The following STIM1 variants were observed in gnomAD, a reference collection of about 807,000 sequenced individuals.
STIM1 encodes the protein stromal interaction molecule 1.
In STIM1, 25 loss-of-function variants were observed where a neutral mutation model predicts 74.7. That is an observed-to-expected ratio of 0.33 (90% CI 0.24 to 0.47). The LOEUF (loss-of-function observed/expected upper bound fraction) is 0.47. STIM1 is among the 20% of genes least tolerant of loss of function. The probability of loss-of-function intolerance (pLI) is 1.00; values close to 1 mark genes in which losing one functional copy is unlikely to be tolerated. For missense variants in STIM1, 728 were observed against 920.8 expected, an observed-to-expected ratio of 0.79 and a Z score of 2.71; for synonymous variants, 328 against 348.8, an observed-to-expected ratio of 0.94 and a Z score of 0.66.
chr11:3,902,846 G>T (rs937665863), intron 1 of STIM1, among the ~76,000 whole-genome samples: 1 of 152,156 alleles, frequency 6.6e-6, no homozygotes, highest in African/African-American at 2.4e-5. Flanking sequence ...TGGGCAGATT[G>T]CAATTGGTGT....
At chr11:4,030,822 T>G (rs16929488) in intron 3 of STIM1, among the ~76,000 whole-genome samples, 5,727 of 152,202 alleles carry the variant, frequency 0.038, 255 homozygotes, top group East Asian at 0.19. Context: ...CACCCGAGGG[T>G]TCTACCTGTT....
chr11:4,021,326 A>T (rs972865120), intron 2 of STIM1, among the ~76,000 whole-genome samples: 8 of 152,126 alleles, frequency 5.3e-5, no homozygotes, highest in Admixed American at 2.0e-4. Context: ...GGGTTTCGCC[A>T]TGCTGGCCAG....
chr11:4,070,588 C>T (rs2094397367), intron 6 of STIM1, among the ~76,000 whole-genome samples: 1 of 152,160 alleles, frequency 6.6e-6, no homozygotes, highest in African/African-American at 2.4e-5. Context: ...ACCTCAAAAC[C>T]TTCCTTCTTA....
rs761231007 is a variant in STIM1 at position 4,091,850 on chromosome 11, T to A, written c.*52T>A. On this transcript the variant is annotated 3_prime_UTR_variant, in exon 13 of 13. Transcript: ENST00000526596. ...AGCTTGTCCTTCCCTGGGTGTTCTG[T>A]CTCTCCTTCCCTCCCTTCCTTCAAG... is the stretch of plus-strand genomic sequence containing the variant. 6 of 1,596,688 alleles carry A rather than the reference T, an allele frequency of 3.8e-6. No homozygotes were observed. The East Asian group carries it at 1.3e-4, about 36-fold the overall frequency.
At chr11:3,975,634 A>G (rs1318191940) in intron 2 of STIM1, among the ~76,000 whole-genome samples, 2 of 151,896 alleles carry the variant, frequency 1.3e-5, no homozygotes, top group East Asian at 3.9e-4. Context: ...AAGAAGAAGA[A>G]GAAGGAAGAA....
In STIM1 at chr11:3,974,138, A is replaced by G. The variant is rs1490592645; in HGVS notation, c.270+6456A>G. ...CTGTGAGTGCTCCCTGTTGCTCAGAATGGCTCATTGGACCCTCACTGGTCA... is the reference window on the plus strand; with the variant it reads ...CTGTGAGTGCTCCCTGTTGCTCAGAGTGGCTCATTGGACCCTCACTGGTCA... On this transcript the variant is annotated intron_variant, in intron 2 of 12. Coordinates refer to ENST00000526596, the MANE Select transcript of STIM1 (RefSeq NM_001382567.1). 7 of 649,994 alleles carry G rather than the reference A, an allele frequency of 1.1e-5. No individual in the cohort carries two copies. The African/African-American group carries it at 1.3e-4, about 12-fold the overall frequency. The allele number at this position is 649,994 out of a possible 1,614,324, so 40.3% of individuals were successfully genotyped here.
intron 2 of STIM1, among the ~76,000 whole-genome samples, chr11:4,022,359 GAGA>G: frequency 2.1e-5 from 3 of 144,212 alleles, no homozygotes; most frequent in East Asian, 4.1e-4. Flanking sequence ...AAAAAAAAGA[GAGA>G]AGATCATGTT....
chr11:4,055,071 G>A lies in STIM1; in HGVS notation c.386-455G>A, dbSNP rs145076006. On this transcript the variant is annotated intron_variant, in intron 3 of 12. Coordinates refer to ENST00000526596, the MANE Select transcript of STIM1 (RefSeq NM_001382567.1). ...GAATAGCTGGACGAATGGATGGATGGATAATTGATTCTCAACCCTGGTCAC... is the reference window on the plus strand; with the variant it reads ...GAATAGCTGGACGAATGGATGGATGAATAATTGATTCTCAACCCTGGTCAC... 3.8e-3 allele frequency among the ~76,000 whole-genome samples: 573 copies of A among 152,220 alleles called. 3 individuals are homozygous for A. The highest frequency in any genetic ancestry group is 0.013 in the African/African-American group (538 of 41,524).
chr11:3,939,866 C>A (rs1249089445), intron 1 of STIM1, among the ~76,000 whole-genome samples: 1 of 152,158 alleles, frequency 6.6e-6, no homozygotes, highest in Non-Finnish European at 1.5e-5. Flanking sequence ...TTTTGGTTGA[C>A]CTTCTCTTTG....
chr11:3,914,888 A>G (rs2092620681), intron 1 of STIM1, among the ~76,000 whole-genome samples: 1 of 151,324 alleles, frequency 6.6e-6, no homozygotes, highest in Admixed American at 6.6e-5. Context: ...AGGGGTTCCA[A>G]TTTTTCCACA....
At chr11:3,941,518 G>A (rs1365753683) in intron 1 of STIM1, among the ~76,000 whole-genome samples, 4 of 151,892 alleles carry the variant, frequency 2.6e-5, no homozygotes, top group Admixed American at 6.6e-5. Context: ...GTCAAATAAC[G>A]TGAGTTCTGG....
chr11:3,903,954 T>C (rs2092409378), intron 1 of STIM1, among the ~76,000 whole-genome samples: 1 of 152,028 alleles, frequency 6.6e-6, no homozygotes, highest in Non-Finnish European at 1.5e-5. Flanking sequence ...ATCCCAGCAC[T>C]TTGGGAGGCT....
At chr11:3,877,543 T>C (rs2091345538) in intron 1 of STIM1, among the ~76,000 whole-genome samples, 2 of 152,212 alleles carry the variant, frequency 1.3e-5, no homozygotes, top group South Asian at 2.1e-4. Context: ...GTTATAGCTT[T>C]GAAAACGTGT....
chr11:3,861,333 A>T (rs989940327), intron 1 of STIM1, among the ~76,000 whole-genome samples: 1 of 150,936 alleles, frequency 6.6e-6, no homozygotes, highest in Non-Finnish European at 1.5e-5. Context: ...TCCCAGGTTC[A>T]TGCCATTCTC....
intron 3 of STIM1, among the ~76,000 whole-genome samples, chr11:4,053,193 A>T (rs1468610438): frequency 1.3e-5 from 2 of 152,224 alleles, no homozygotes. Context: ...AGGATCTAGA[A>T]CTAGAAATAC....
At chr11:3,987,003 G>A (rs2093563671) in intron 2 of STIM1, among the ~76,000 whole-genome samples, 1 of 152,128 alleles carries the variant, frequency 6.6e-6, no homozygotes, top group South Asian at 2.1e-4. Flanking sequence ...CTAGCCACTT[G>A]GTGTCTTGAG....
intron 3 of STIM1, among the ~76,000 whole-genome samples, chr11:4,050,484 T>G (rs1164348154): frequency 6.6e-6 from 1 of 152,250 alleles, no homozygotes; most frequent in African/African-American, 2.4e-5. Context: ...AAAGACAGTT[T>G]ATATCTTTTA....
chr11:4,013,253 G>A (rs968361854), intron 2 of STIM1, among the ~76,000 whole-genome samples: 1 of 152,118 alleles, frequency 6.6e-6, no homozygotes, highest in African/African-American at 2.4e-5. Flanking sequence ...GAGTTAAGGA[G>A]GATTCCCTCT....
At chr11:4,011,275 A>G (rs1441542216) in intron 2 of STIM1, among the ~76,000 whole-genome samples, 4 of 152,168 alleles carry the variant, frequency 2.6e-5, no homozygotes, top group African/African-American at 7.2e-5. Context: ...CTAGTTCTAG[A>G]TCCTTGAGAA....
Sources: allele counts gnomAD v4.1 joint callset (sites outside exome capture counted in the v4.1 genomes callset), GRCh38; gene constraint gnomAD v4.1.1; transcripts MANE v1.5; gene names NCBI Gene and HGNC (gene_info 2026-07-23, HGNC 2026-07-21).